The following TSHZ2 variants were observed in gnomAD, a reference collection of about 807,000 sequenced individuals.
The protein encoded by TSHZ2 is teashirt homolog 2.
A neutral mutation model predicts 74.4 loss-of-function variants in TSHZ2; 21 were observed. The ratio of observed to expected loss-of-function variants is 0.28; its 90% CI spans 0.20 to 0.41. The LOEUF (loss-of-function observed/expected upper bound fraction) is 0.41, where lower values mean the gene tolerates loss of function less well. Ranked by LOEUF, TSHZ2 falls within the 10% of genes least tolerant of loss-of-function variation. The pLI, the probability that TSHZ2 is intolerant of heterozygous loss-of-function variation, is 1.00. For missense variants in TSHZ2, 1,244 were observed against 1,293.5 expected, an observed-to-expected ratio of 0.96 and a Z score of 0.59; for synonymous variants, 540 against 515.3, an observed-to-expected ratio of 1.05 and a Z score of -0.65.
At chr20:53,464,867 A>G (rs909764247) in intron 2 of TSHZ2, among the ~76,000 whole-genome samples, 1 of 152,166 alleles carries the variant, frequency 6.6e-6, no homozygotes, top group African/African-American at 2.4e-5. Flanking sequence ...CCTGGGCTCA[A>G]ATGATCCTCC....
At chr20:53,369,067 G>T (rs1981375167) in intron 2 of TSHZ2, among the ~76,000 whole-genome samples, 1 of 152,106 alleles carries the variant, frequency 6.6e-6, no homozygotes, top group Non-Finnish European at 1.5e-5. Context: ...TTCAAGACCA[G>T]CCTGGGCAAC....
intron 2 of TSHZ2, among the ~76,000 whole-genome samples, chr20:53,383,058 C>T (rs940689889): frequency 4.6e-5 from 7 of 152,130 alleles, no homozygotes; most frequent in South Asian, 2.1e-4. Flanking sequence ...GTTCGGAGGT[C>T]GAGACCAGCC....
intron 1 of TSHZ2, among the ~76,000 whole-genome samples, chr20:53,130,055 G>GA (rs1190076462): frequency 6.6e-6 from 1 of 151,458 alleles, no homozygotes; most frequent in African/African-American, 2.4e-5. Context: ...GGCAGAAGAA[G>GA]AAAAAAAGTA....
At chr20:53,149,130 G>A (rs919884643) in intron 1 of TSHZ2, among the ~76,000 whole-genome samples, 3 of 150,766 alleles carry the variant, frequency 2.0e-5, no homozygotes, top group Admixed American at 6.6e-5. Flanking sequence ...TCTGTTAGGC[G>A]AGGCCTTGGG....
intron 2 of TSHZ2, among the ~76,000 whole-genome samples, chr20:53,437,144 C>T (rs1021672568): frequency 1.1e-4 from 16 of 152,114 alleles, no homozygotes; most frequent in Admixed American, 6.6e-4. Context: ...TTTATAATCA[C>T]GTGTGTGTTA....
At chr20:53,452,529 G>A (rs1984835002) in intron 2 of TSHZ2, among the ~76,000 whole-genome samples, 2 of 151,554 alleles carry the variant, frequency 1.3e-5, no homozygotes, top group Admixed American at 1.3e-4. Context: ...AACCTGGGAG[G>A]TGGAGCCTGC....
At chr20:53,106,141 T>C (rs187489529) in intron 1 of TSHZ2, among the ~76,000 whole-genome samples, 6 of 152,224 alleles carry the variant, frequency 3.9e-5, no homozygotes, top group African/African-American at 1.4e-4. Context: ...AAACATATTA[T>C]TATTAATTGC....
intron 1 of TSHZ2, among the ~76,000 whole-genome samples, chr20:53,169,480 T>C (rs1988139611): frequency 1.3e-5 from 2 of 152,218 alleles, no homozygotes; most frequent in Non-Finnish European, 2.9e-5. Context: ...CCCATTGTCC[T>C]AGGATCAAGT....
chr20:53,241,207 C>T (rs1029508410), intron 1 of TSHZ2, among the ~76,000 whole-genome samples: 6 of 152,186 alleles, frequency 3.9e-5, no homozygotes, highest in African/African-American at 1.4e-4. Flanking sequence ...ATTCTCCAAA[C>T]TGTCCATTCA....
chr20:53,131,173 T>G (rs1178247538), intron 1 of TSHZ2, among the ~76,000 whole-genome samples: 1 of 152,230 alleles, frequency 6.6e-6, no homozygotes, highest in African/African-American at 2.4e-5. Flanking sequence ...TGTGTTTTGT[T>G]TTTTTGTGAA....
intron 1 of TSHZ2, among the ~76,000 whole-genome samples, chr20:53,094,924 C>T (rs190334045): frequency 1.6e-4 from 24 of 152,294 alleles, no homozygotes; most frequent in Non-Finnish European, 2.8e-4. Flanking sequence ...GTAAATAATG[C>T]AGAGAAATTT....
At chr20:53,236,156 A>C (rs1218310564) in intron 1 of TSHZ2, among the ~76,000 whole-genome samples, 2 of 152,184 alleles carry the variant, frequency 1.3e-5, no homozygotes, top group Non-Finnish European at 2.9e-5. Flanking sequence ...ATTTTTAAAA[A>C]TTTGACCTGC....
intron 1 of TSHZ2, among the ~76,000 whole-genome samples, chr20:53,001,230 G>GTGTATGTGTGTGTGTGTGTA (rs1555813622): frequency 1.6e-5 from 2 of 126,114 alleles, no homozygotes; most frequent in Non-Finnish European, 3.5e-5. Context: ...GTGTGTGTGT[G>GTGTATGTGTGTGTGTGTGTA]TGTGTGTGTG....
At chr20:53,426,163 A>G (rs1029515074) in intron 2 of TSHZ2, among the ~76,000 whole-genome samples, 3 of 152,184 alleles carry the variant, frequency 2.0e-5, no homozygotes, top group Non-Finnish European at 2.9e-5. Flanking sequence ...AGGGTTGTTT[A>G]CGGTAGGAAG....
chr20:53,021,159 G>A (rs1028621713), intron 1 of TSHZ2, among the ~76,000 whole-genome samples: 37 of 152,160 alleles, frequency 2.4e-4, no homozygotes, highest in African/African-American at 8.7e-4. Context: ...CCCTAACGCT[G>A]TGGAATAGCA....
intron 1 of TSHZ2, among the ~76,000 whole-genome samples, chr20:53,029,105 T>C (rs567619543): frequency 6.6e-6 from 1 of 152,298 alleles, no homozygotes; most frequent in East Asian, 1.9e-4. Context: ...TGAACTCCAT[T>C]CAAATAGAAC....
chr20:53,256,799 T>G lies in TSHZ2; in HGVS notation c.*8+228T>G, dbSNP rs997204495. On this transcript the variant is annotated intron_variant, in intron 2 of 2. Coordinates refer to ENST00000371497, the MANE Select transcript of TSHZ2 (RefSeq NM_173485.6). The surrounding 1 kb of genome is among the most constrained non-coding windows in gnomAD (Gnocchi z 4.3). ...CTAGAATAAAACGGGTTTAGAGAGATAAAGTTCACAGATTACTACTGCTTT... is the reference window on the plus strand; with the variant it reads ...CTAGAATAAAACGGGTTTAGAGAGAGAAAGTTCACAGATTACTACTGCTTT... 3.9e-5 allele frequency among the ~76,000 whole-genome samples: 6 copies of G among 152,242 alleles called. No homozygotes were observed. Among genetic ancestry groups the G allele is most frequent in the Admixed American group, 6.5e-5 (1 of 15,290 alleles).
At chr20:53,357,718 T>C (rs1380425599) in intron 2 of TSHZ2, among the ~76,000 whole-genome samples, 2 of 152,188 alleles carry the variant, frequency 1.3e-5, no homozygotes, top group Non-Finnish European at 2.9e-5. Context: ...AAATGATTAA[T>C]TGTTCTTCGT....
chr20:53,196,502 A>G (rs1437702956), intron 1 of TSHZ2: 1 of 152,062 alleles, frequency 6.6e-6, no homozygotes, highest in East Asian at 1.9e-4. Flanking sequence ...CCGACCTCTT[A>G]CTTGAAGGAA....
Sources: gnomAD v4.1 joint callset for allele counts (sites outside exome capture counted in the v4.1 genomes callset) on GRCh38, gnomAD v4.1.1 for gene constraint, Gnocchi (gnomAD v3.1) non-coding constraint, MANE v1.5 for transcripts, NCBI Gene and HGNC (gene_info 2026-07-23, HGNC 2026-07-21) for gene names.